The following NYAP2 variants were observed in gnomAD, a reference collection of about 807,000 sequenced individuals.
NYAP2 encodes the protein neuronal tyrosine-phosphorylated phosphoinositide-3-kinase adapter 2.
A neutral mutation model predicts 50.4 loss-of-function variants in NYAP2; 23 were observed. The observed-to-expected ratio is 0.46, with a 90% confidence interval of 0.33 to 0.65. NYAP2 has a LOEUF of 0.65. NYAP2 is among the 30% of genes least tolerant of loss of function. The pLI is 0.02. For synonymous variants in NYAP2, 394 were observed against 365.2 expected (o/e 1.08, Z -0.90); for missense variants, 885 against 861.0 (o/e 1.03, Z -0.35).
intron 5 of NYAP2, among the ~76,000 whole-genome samples, chr2:225,621,707 T>A (rs1156931389): frequency 1.3e-5 from 2 of 152,074 alleles, no homozygotes; most frequent in South Asian, 2.1e-4. Context: ...TACAGTTTTT[T>A]TTTATTTTTT....
intron 3 of NYAP2, among the ~76,000 whole-genome samples, chr2:225,483,595 C>T (rs1690243372): frequency 6.6e-6 from 1 of 152,172 alleles, no homozygotes; most frequent in Non-Finnish European, 1.5e-5. Flanking sequence ...CACACACACA[C>T]ACAATTTAAA....
chr2:225,508,951 C>T (rs1690761161), intron 3 of NYAP2, among the ~76,000 whole-genome samples: 1 of 152,200 alleles, frequency 6.6e-6, no homozygotes, highest in Non-Finnish European at 1.5e-5. Context: ...ATGTCCTTCT[C>T]CTGCAGGCTT....
At chr2:225,520,499 A>G (rs1256188337) in intron 4 of NYAP2, among the ~76,000 whole-genome samples, 2 of 152,190 alleles carry the variant, frequency 1.3e-5, no homozygotes, top group Non-Finnish European at 1.5e-5. Context: ...ATGGCTAGCC[A>G]GTTTTCCTGG....
chr2:225,616,697 C>G (rs1270952358), intron 5 of NYAP2, among the ~76,000 whole-genome samples: 1 of 152,156 alleles, frequency 6.6e-6, no homozygotes, highest in Non-Finnish European at 1.5e-5. Context: ...GAGGTAGGAA[C>G]TGGTCTTCCC....
At chr2:225,461,308 C>T (rs1390005007) in intron 3 of NYAP2, among the ~76,000 whole-genome samples, 1 of 152,214 alleles carries the variant, frequency 6.6e-6, no homozygotes, top group Non-Finnish European at 1.5e-5. Context: ...AATTGTCACC[C>T]AGCCTGAAAT....
rs527551701 is a variant in NYAP2 at position 225,409,087 on chromosome 2, A to C, written c.207A>C (p.Glu69Asp). 37 of 1,599,124 alleles carry C rather than the reference A, an allele frequency of 2.3e-5. 2 individuals carry two copies. The South Asian group carries it at 3.7e-4, about 16-fold the overall frequency. ...AGAATGAAAAACGCCGAAGACAAGA[A>C]GAAGCAATAAAGCGGTAAATATAAA... The change falls in exon 3 of 7, where the codon GAA becomes GAC. Residue 69 changes from glutamate (E) to aspartate (D), a missense_variant. Physicochemically the swap from Glu to Asp is conservative, Grantham distance 45. Transcript: ENST00000636099.
rs1386663520 is a variant in NYAP2, at chr2:225,651,348, G to A, written c.1829-84G>A. The A allele has an allele frequency of 8.1e-5, 126 of 1,560,984 alleles. 2 individuals are homozygous for A. The South Asian group carries it at 1.2e-3, about 15-fold the overall frequency. ...TTTGTATATTCCAAGAATAAGTAGC[G>A]AAACAAACAGAAAGACTGAAAAGCC... On this transcript the variant is annotated intron_variant, in intron 6 of 6. Coordinates refer to ENST00000636099, the Ensembl canonical transcript of NYAP2.
chr2:225,638,159 TG>T lies in NYAP2; in HGVS notation c.1828+11034del, dbSNP rs1197055934. ...AATTTTAAACAGACTCGTGTGTTTGTGTGTGTGTGTGTGTGTGTGTGTGTGT... is the reference window on the plus strand; with the variant it reads ...AATTTTAAACAGACTCGTGTGTTTGTTGTGTGTGTGTGTGTGTGTGTGTGT... On this transcript the variant is annotated intron_variant, in intron 6 of 6. Transcript: ENST00000636099. Among the ~76,000 whole-genome samples the T allele has an allele frequency of 2.0e-3, 155 of 78,160 alleles. 1 individual carries two copies. Among genetic ancestry groups the T allele is most frequent in the African/African-American group, 0.015 (152 of 9,818 alleles). The allele number at this position is 78,160 out of a possible 152,430, so 51.3% of individuals were successfully genotyped here. A position where few individuals can be genotyped will look rare whatever the true frequency, so the allele number is the denominator to read the frequency against.
At chr2:225,587,142 T>C (rs1692402540) in intron 5 of NYAP2, among the ~76,000 whole-genome samples, 2 of 152,122 alleles carry the variant, frequency 1.3e-5, no homozygotes, top group Admixed American at 6.6e-5. Context: ...ACCTGGCCCC[T>C]CCCTTAACAC....
At chr2:225,682,845 G>A in the NYAP2 span, among the ~76,000 whole-genome samples, 2 of 152,214 alleles carry the variant, frequency 1.3e-5, no homozygotes, top group East Asian at 3.9e-4. Flanking sequence ...TAGGCAATGA[G>A]ATCATAAAGG....
intron 4 of NYAP2, among the ~76,000 whole-genome samples, chr2:225,538,552 C>G (rs953926286): frequency 6.6e-6 from 1 of 152,138 alleles, no homozygotes; most frequent in South Asian, 2.1e-4. Context: ...CTAGGCTGCA[C>G]ACAGCACAGG....
intron 3 of NYAP2, among the ~76,000 whole-genome samples, chr2:225,416,047 G>A (rs749623698): frequency 3.3e-5 from 5 of 152,110 alleles, no homozygotes; most frequent in African/African-American, 7.2e-5. Context: ...TTAATGTGTT[G>A]ATAACGGGTG....
At chr2:225,634,326 C>T (rs1216502726) in intron 6 of NYAP2, among the ~76,000 whole-genome samples, 2 of 152,082 alleles carry the variant, frequency 1.3e-5, no homozygotes, top group Non-Finnish European at 2.9e-5. Context: ...CTTCAAGGGG[C>T]TCTTTGTGCT....
chr2:225,564,129 C>T (rs1204560297), intron 4 of NYAP2, among the ~76,000 whole-genome samples: 1 of 151,914 alleles, frequency 6.6e-6, no homozygotes, highest in African/African-American at 2.4e-5. Flanking sequence ...TCACAAATAG[C>T]CCATGACTCC....
At position 225,613,982 on chromosome 2, in the gene NYAP2, T is replaced by G. The variant is rs142445620; in HGVS notation, c.1619-12935T>G. Among the ~76,000 whole-genome samples the G allele has an allele frequency of 5.5e-3, 839 of 152,252 alleles. 9 individuals are homozygous for G. The highest frequency in any genetic ancestry group is 0.018 in the African/African-American group (762 of 41,548). ...TGTTGAAGCCTCATGAACTGTTTTG[T>G]TTTTTTCTGAAACTTTGGTGTCATA... On this transcript the variant is annotated intron_variant, in intron 5 of 6. Transcript: ENST00000636099.
chr2:225,562,505 T>C (rs1365787631), intron 4 of NYAP2, among the ~76,000 whole-genome samples: 1 of 152,114 alleles, frequency 6.6e-6, no homozygotes. Context: ...TTTTAGGACA[T>C]GGGTTTGATT....
intron 3 of NYAP2, among the ~76,000 whole-genome samples, chr2:225,427,766 G>C (rs1695307829): frequency 6.6e-6 from 1 of 152,102 alleles, no homozygotes; most frequent in Admixed American, 6.5e-5. Context: ...AATTAAAAGT[G>C]AGCCAAATAA....
At chr2:225,470,721 AACACATG>A (rs1359970405) in intron 3 of NYAP2, among the ~76,000 whole-genome samples, 1 of 152,206 alleles carries the variant, frequency 6.6e-6, no homozygotes, top group African/African-American at 2.4e-5. Context: ...AAGAACCTAG[AACACATG>A]ATTGCATTGG....
At chr2:225,585,125 A>G (rs931709950) in intron 5 of NYAP2, among the ~76,000 whole-genome samples, 4 of 152,270 alleles carry the variant, frequency 2.6e-5, no homozygotes, top group African/African-American at 9.6e-5. Flanking sequence ...ATAATTTACT[A>G]AAGTTTAAAG....
Sources: allele counts gnomAD v4.1 joint callset (sites outside exome capture counted in the v4.1 genomes callset), GRCh38; gene constraint gnomAD v4.1.1; transcripts MANE v1.5; gene names NCBI Gene and HGNC (gene_info 2026-07-23, HGNC 2026-07-21).